Variants in PLCZ1 observed in about 807,000 individuals in gnomAD.
PLCZ1 encodes phospholipase C zeta 1.
A neutral mutation model predicts 76.8 loss-of-function variants in PLCZ1; 64 were observed. The ratio of observed to expected loss-of-function variants is 0.83; its 90% CI spans 0.68 to 1.03. The LOEUF (loss-of-function observed/expected upper bound fraction) is 1.03. Among genes scored for constraint, PLCZ1 ranks in the 50% least tolerant of loss-of-function variants. The pLI, the probability that PLCZ1 is intolerant of heterozygous loss-of-function variation, is 0.00. For synonymous variants in PLCZ1, 248 were observed against 230.8 expected (o/e 1.07, Z -0.68); for missense variants, 751 against 713.7 (o/e 1.05, Z -0.60).
At chr12:18,678,583 T>G (rs1952155592), downstream of PLCZ1, among the ~76,000 whole-genome samples, 1 of 152,062 alleles carries the variant, frequency 6.6e-6, no homozygotes, top group Non-Finnish European at 1.5e-5. Context: ...TTTGTTCTTT[T>G]GAATAAATGG....
rs755818350 is a variant in PLCZ1 at position 18,701,496 on chromosome 12, C to T, written c.1017+5G>A. On this transcript the variant is annotated splice_donor_5th_base_variant and intron_variant, in intron 9 of 14. Coordinates refer to ENST00000266505, the MANE Select transcript of PLCZ1 (RefSeq NM_033123.4). ...TTGTAAGATTTTCACAAAACACCAC[C>T]TCACCTTCTTTTTCTTGAAAAGCAT... 1.2e-6 allele frequency: 2 copies of T among 1,613,974 alleles called. No homozygotes were observed. Among genetic ancestry groups the T allele is most frequent in the Middle Eastern group, 1.6e-4 (1 of 6,062 alleles).
At chr12:18,647,981 C>A in the PLCZ1 span, 1 of 1,595,126 alleles carries the variant, frequency 6.3e-7, no homozygotes. Context: ...CTGTAGTGTC[C>A]CACTCGATAA....
chr12:18,701,275 G>C (rs1010566548), intron 9 of PLCZ1, among the ~76,000 whole-genome samples: 4 of 151,958 alleles, frequency 2.6e-5, no homozygotes, highest in African/African-American at 9.7e-5. Flanking sequence ...ATGAGCCACC[G>C]TGCTCAGCCT....
At chr12:18,706,048 G>A (rs751799478) in intron 6 of PLCZ1, among the ~76,000 whole-genome samples, 14 of 151,996 alleles carry the variant, frequency 9.2e-5, no homozygotes, top group South Asian at 4.2e-4. Context: ...CCAACATGGC[G>A]AAACCCCATC....
At chr12:18,652,384 G>T in the PLCZ1 span, among the ~76,000 whole-genome samples, 1 of 152,108 alleles carries the variant, frequency 6.6e-6, no homozygotes, top group Non-Finnish European at 1.5e-5. Flanking sequence ...GTCAAGGAAT[G>T]CTAAAGATTG....
chr12:18,707,531 G>GC (rs1956756056), intron 6 of PLCZ1, among the ~76,000 whole-genome samples: 1 of 152,168 alleles, frequency 6.6e-6, no homozygotes, highest in African/African-American at 2.4e-5. Flanking sequence ...AGCAATGTTT[G>GC]CCCCCCATTT....
At chr12:18,645,770 C>T in the PLCZ1 span, among the ~76,000 whole-genome samples, 1 of 152,146 alleles carries the variant, frequency 6.6e-6, no homozygotes, top group Non-Finnish European at 1.5e-5. Context: ...AGAAAACACA[C>T]AGTTGACAAC....
chr12:18,672,835 G>C, the PLCZ1 span, among the ~76,000 whole-genome samples: 1 of 152,266 alleles, frequency 6.6e-6, no homozygotes, highest in South Asian at 2.1e-4. Context: ...CTTCGATGTA[G>C]TCCATTCAGG....
intron 7 of PLCZ1, among the ~76,000 whole-genome samples, chr12:18,702,889 C>T (rs1956131091): frequency 7.2e-6 from 1 of 138,008 alleles, no homozygotes; most frequent in Non-Finnish European, 1.5e-5. Flanking sequence ...GACATGATCT[C>T]AGCTCACTGC....
chr12:18,694,808 T>G (rs1218495115), intron 12 of PLCZ1, 102 bp downstream of exon 12: 6 of 960,478 alleles, frequency 6.2e-6, no homozygotes, highest in South Asian at 1.7e-5. Context: ...TAACAGAAAT[T>G]TAAAAGAAAT....
At chr12:18,725,734 A>G (rs928605893) in intron 3 of PLCZ1, among the ~76,000 whole-genome samples, 1 of 152,138 alleles carries the variant, frequency 6.6e-6, no homozygotes, top group Non-Finnish European at 1.5e-5. Context: ...CAGTACAGGT[A>G]CCAAACCATC....
At chr12:18,673,467 G>A in the PLCZ1 span, among the ~76,000 whole-genome samples, 1 of 152,090 alleles carries the variant, frequency 6.6e-6, no homozygotes, top group African/African-American at 2.4e-5. Flanking sequence ...ATTAGGGTTT[G>A]ATGGCAAGGA....
At chr12:18,704,957 A>ATG (rs1956417713) in intron 7 of PLCZ1, among the ~76,000 whole-genome samples, 1 of 152,112 alleles carries the variant, frequency 6.6e-6, no homozygotes, top group Non-Finnish European at 1.5e-5. Context: ...TGTGGGTTGT[A>ATG]TGTATATATA....
chr12:18,656,021 A>G, the PLCZ1 span, among the ~76,000 whole-genome samples: 1 of 152,216 alleles, frequency 6.6e-6, no homozygotes, highest in East Asian at 1.9e-4. Context: ...CAATATATCA[A>G]TATTGGTTCA....
chr12:18,729,337 A>G (rs1958921700), intron 3 of PLCZ1, among the ~76,000 whole-genome samples: 1 of 152,098 alleles, frequency 6.6e-6, no homozygotes, highest in Non-Finnish European at 1.5e-5. Context: ...CATCTTCTAT[A>G]AAAGCCCAAA....
intron 11 of PLCZ1, 99 bp from the exon 12 acceptor site, chr12:18,695,178 C>T (rs1954780435): frequency 8.3e-7 from 1 of 1,206,486 alleles, no homozygotes; most frequent in East Asian, 2.4e-5. Flanking sequence ...TCTATGTCCC[C>T]AAATGTTCTA....
rs948025295 is a variant in PLCZ1, at chr12:18,683,622, A to G, written c.1742-298T>C. ...TCAGGAAGACCTGTTTCCTAGGCAC[A>G]TCTCAGATGCTGTTAGAAAAGTAAG... On this transcript the variant is annotated intron_variant, in intron 14 of 14. Transcript: ENST00000266505. The G allele has an allele frequency of 5.0e-6, 7 of 1,402,426 alleles. No homozygotes were observed. The African/African-American group carries it at 1.0e-4, about 20-fold the overall frequency. 86.9% of individuals were successfully genotyped at this position (1,402,426 alleles called of 1,614,324 possible). A position where few individuals can be genotyped will look rare whatever the true frequency, so the allele number is the denominator to read the frequency against.
chr12:18,708,823 G>A lies in PLCZ1; in HGVS notation c.715-3508C>T, dbSNP rs573654402. Among the ~76,000 whole-genome samples, 4 of 152,116 alleles carry A rather than the reference G, an allele frequency of 2.6e-5. No homozygotes were observed. In the East Asian group the frequency reaches 7.7e-4, roughly 29 times the overall value. On this transcript the variant is annotated intron_variant, in intron 6 of 14. Transcript: ENST00000266505. ...ATTTTTATGTCTTCTTTGGAGAAAT[G>A]CCTATTCAGGTTTTTTGTTCATTTT...
At chr12:18,661,236 A>G in the PLCZ1 span, among the ~76,000 whole-genome samples, 2 of 152,172 alleles carry the variant, frequency 1.3e-5, no homozygotes, top group Non-Finnish European at 2.9e-5. Flanking sequence ...GATTATTTGA[A>G]GAAATAGTAC....
Sources: allele counts gnomAD v4.1 joint callset (sites outside exome capture counted in the v4.1 genomes callset), GRCh38; gene constraint gnomAD v4.1.1; transcripts MANE v1.5; gene names NCBI Gene and HGNC (gene_info 2026-07-23, HGNC 2026-07-21).